DENND2B: variants seen among roughly 807,000 people sequenced by gnomAD.
DENND2B encodes the protein DENN domain-containing protein 2B.
In DENND2B, 32 loss-of-function variants were observed where a neutral mutation model predicts 116.0. That is an observed-to-expected ratio of 0.28 (90% CI 0.21 to 0.37). The LOEUF (loss-of-function observed/expected upper bound fraction) is 0.37, where lower values mean the gene tolerates loss of function less well. Among genes scored for constraint, DENND2B ranks in the 10% least tolerant of loss-of-function variants. The pLI, the probability that DENND2B is intolerant of heterozygous loss-of-function variation, is 1.00. For synonymous variants in DENND2B, 588 were observed against 583.9 expected, an observed-to-expected ratio of 1.01 and a Z score of -0.10; for missense variants, 1,276 against 1,477.7, an observed-to-expected ratio of 0.86 and a Z score of 2.24.
chr11:8,770,578 C>G (rs1007337465), intron 1 of DENND2B, among the ~76,000 whole-genome samples: 1 of 152,180 alleles, frequency 6.6e-6, no homozygotes, highest in Non-Finnish European at 1.5e-5. Context: ...TTCTATCCTG[C>G]TGCATTTTGC....
At chr11:8,891,385 T>C (rs546501268) in intron 1 of DENND2B, among the ~76,000 whole-genome samples, 48 of 152,092 alleles carry the variant, frequency 3.2e-4, no homozygotes, top group Admixed American at 9.2e-4. Flanking sequence ...AATTCACACA[T>C]AACAATATTA....
chr11:8,877,830 C>T (rs576092740), intron 2 of DENND2B, among the ~76,000 whole-genome samples: 4 of 152,244 alleles, frequency 2.6e-5, no homozygotes, highest in African/African-American at 7.2e-5. Context: ...ATTCAATAAG[C>T]ATTTATTAAA....
At chr11:8,894,806 G>A (rs2064079124) in intron 1 of DENND2B, among the ~76,000 whole-genome samples, 1 of 152,306 alleles carries the variant, frequency 6.6e-6, no homozygotes, top group Middle Eastern at 3.4e-3. Context: ...TGGTGGGACT[G>A]TAAACTAGTT....
At chr11:8,701,884 C>G (rs12290299) in intron 14 of DENND2B, among the ~76,000 whole-genome samples, 4,786 of 152,134 alleles carry the variant, frequency 0.031, 143 homozygotes, top group Admixed American at 0.071. Flanking sequence ...AGACCTGTGA[C>G]CCATCCAGCT....
In DENND2B at chr11:8,783,170, T is replaced by C. The variant is rs571634876; in HGVS notation, c.-26+27347A>G. On this transcript the variant is annotated intron_variant, in intron 1 of 19. Coordinates refer to ENST00000313726, the MANE Select transcript of DENND2B (RefSeq NM_213618.2). ...CCTGGGTTCAAGTGATCCTCCCACC[T>C]TAGCCTCTTGAAAAGCTGGGACTAC... is the stretch of plus-strand genomic sequence containing the variant. Among the ~76,000 whole-genome samples, 67 of 151,056 alleles carry C rather than the reference T, an allele frequency of 4.4e-4. 1 individual carries two copies. The highest frequency in any genetic ancestry group is 1.5e-3 in the African/African-American group (63 of 41,204).
chr11:8,718,103 C>CCCCCCCCCA (rs2045342470), intron 4 of DENND2B: 1 of 266,048 alleles, frequency 3.8e-6, no homozygotes, highest in African/African-American at 2.5e-5. Context: ...CCCACCCCCC[C>CCCCCCCCCA]ACCCCCCCCA....
At position 8,743,188 on chromosome 11, in the gene DENND2B, CT is replaced by C. The variant is rs1187605325; in HGVS notation, c.80+7432del. Among the ~76,000 whole-genome samples the C allele has an allele frequency of 2.6e-5, 4 of 152,074 alleles. No individual in the cohort carries two copies. The East Asian group carries it at 5.8e-4, about 22-fold the overall frequency. On this transcript the variant is annotated intron_variant, in intron 2 of 19. Coordinates refer to ENST00000313726, the MANE Select transcript of DENND2B (RefSeq NM_213618.2). ...ACTTTAAATTATATAATTTATTGTA[CT>C]TTAATTGTCCCTCAATAAATCTGTT...
rs931346118 is a variant in DENND2B at position 8,712,226 on chromosome 11, G to A, written c.2172+325C>T. Among the ~76,000 whole-genome samples, 1 of 152,216 alleles carries A rather than the reference G, an allele frequency of 6.6e-6. No individual in the cohort carries two copies. Among genetic ancestry groups the A allele is most frequent in the Non-Finnish European group, 1.5e-5 (1 of 68,048 alleles). ...ATGTTCTAAAATTGACTGTGGTGAT[G>A]ATTGCACAATTCTGTGAATACACCC... On this transcript the variant is annotated intron_variant, in intron 9 of 19. Coordinates refer to ENST00000313726, the MANE Select transcript of DENND2B (RefSeq NM_213618.2). The surrounding 1 kb of genome is among the most constrained non-coding windows in gnomAD (Gnocchi z 4.4).
rs571696056 is a variant in DENND2B at position 8,881,614 on chromosome 11, C to A, written c.-255-505G>T. Among the ~76,000 whole-genome samples the A allele has an allele frequency of 1.2e-3, 185 of 152,332 alleles. 1 individual carries two copies. The highest frequency in any genetic ancestry group is 4.2e-3 in the African/African-American group (176 of 41,578). On this transcript the variant is annotated intron_variant, in intron 1 of 22. Coordinates refer to the DENND2B transcript ENST00000534127. The stretch of plus-strand genomic sequence containing the variant: ...GTAGTGGCATGATCTCGGCCCACTG[C>A]AACCTCTGCCTCCTGGGTTCAAGTG...
At chr11:8,839,417 A>G (rs1164764847) in intron 3 of DENND2B, 41 of 152,364 alleles carry the variant, frequency 2.7e-4, no homozygotes, top group African/African-American at 9.4e-4. Context: ...ATAACCTTTA[A>G]GAAAGGGCTT....
chr11:8,789,929 G>A (rs1231958738), intron 1 of DENND2B, among the ~76,000 whole-genome samples: 1 of 152,164 alleles, frequency 6.6e-6, no homozygotes, highest in African/African-American at 2.4e-5. Flanking sequence ...CAAGTATTGT[G>A]GTTTTAAGCC....
chr11:8,702,900 T>A lies in DENND2B; in HGVS notation c.2572-180A>T. The A allele has an allele frequency of 1.3e-6, 1 of 757,680 alleles. No homozygotes were observed. The highest frequency in any genetic ancestry group is 2.1e-6 in the Non-Finnish European group (1 of 487,608). The allele number at this position is 757,680 out of a possible 1,614,324, so 46.9% of individuals were successfully genotyped here. A position where few individuals can be genotyped will look rare whatever the true frequency, so the allele number is the denominator to read the frequency against. ...CCCTCGGACTACAGCTCTGCTCTCG[T>A]AGCACTCGAACACCCAGCCTGTGGG... On this transcript the variant is annotated intron_variant, in intron 13 of 19. Coordinates refer to ENST00000313726, the MANE Select transcript of DENND2B (RefSeq NM_213618.2). This position sits in a 1 kb window ranked among gnomAD's most constrained non-coding sequence, Gnocchi z 4.6.
intron 1 of DENND2B, among the ~76,000 whole-genome samples, chr11:8,756,855 T>C (rs1329407103): frequency 6.6e-6 from 1 of 152,156 alleles, no homozygotes; most frequent in African/African-American, 2.4e-5. Context: ...GACTCAAGCA[T>C]GATGAGAGGC....
At chr11:8,787,333 C>G (rs2059003690) in intron 1 of DENND2B, 1 of 93,332 alleles carries the variant, frequency 1.1e-5, no homozygotes, top group African/African-American at 3.4e-5. Context: ...GCAGAGCTGA[C>G]AGTTTTCTTT....
intron 4 of DENND2B, among the ~76,000 whole-genome samples, chr11:8,723,478 T>A (rs758934493): frequency 1.2e-4 from 18 of 152,196 alleles, no homozygotes; most frequent in Non-Finnish European, 2.1e-4. Context: ...TAGGTCAGGT[T>A]TGAGAGAAGG....
intron 1 of DENND2B, among the ~76,000 whole-genome samples, chr11:8,752,059 A>G (rs553664293): frequency 7.9e-5 from 12 of 152,348 alleles, no homozygotes; most frequent in African/African-American, 2.9e-4. Context: ...CCCAGTGGGG[A>G]AAAACAGACA....
At chr11:8,891,455 A>G (rs1344487519) in intron 1 of DENND2B, among the ~76,000 whole-genome samples, 1 of 152,242 alleles carries the variant, frequency 6.6e-6, no homozygotes, top group Non-Finnish European at 1.5e-5. Flanking sequence ...TAAATTGGAT[A>G]AAGAGTCAAG....
intron 1 of DENND2B, among the ~76,000 whole-genome samples, chr11:8,907,068 C>G (rs10769973): frequency 0.34 from 51,430 of 152,016 alleles, 10,392 homozygotes; most frequent in Non-Finnish European, 0.44. Flanking sequence ...GTCCCAAATA[C>G]AGCACCAGTC....
intron 6 of DENND2B, 74 bp from the exon 7 acceptor site, chr11:8,714,780 G>A: frequency 8.1e-7 from 1 of 1,227,790 alleles, no homozygotes; most frequent in South Asian, 1.2e-5. Context: ...CTGAGTAGGA[G>A]CCCATCCCTG....
Sources: allele counts gnomAD v4.1 joint callset (sites outside exome capture counted in the v4.1 genomes callset), GRCh38; gene constraint gnomAD v4.1.1; non-coding constraint Gnocchi (gnomAD v3.1); transcripts MANE v1.5; gene names NCBI Gene and HGNC (gene_info 2026-07-23, HGNC 2026-07-21).